Variants in RARB observed in about 807,000 individuals in gnomAD.
The protein encoded by RARB is retinoic acid receptor beta.
RARB carries 17 observed loss-of-function variants against 51.9 expected under a neutral mutation model. The observed-to-expected ratio is 0.33, with a 90% CI of 0.22 to 0.49. RARB has a LOEUF of 0.49. Among genes scored for constraint, RARB ranks in the 20% least tolerant of loss-of-function variants. The pLI is 0.99. For synonymous variants in RARB, 215 were observed against 195.4 expected (o/e 1.10, Z -0.84); for missense variants, 369 against 550.8 (o/e 0.67, Z 3.30).
At chr3:25,154,358 C>T (rs1700341127) in intron 4 of RARB, among the ~76,000 whole-genome samples, 1 of 152,220 alleles carries the variant, frequency 6.6e-6, no homozygotes, top group Non-Finnish European at 1.5e-5. Flanking sequence ...TGGAGTCAGC[C>T]TTCATTGTTG....
rs77939246 is a variant in RARB, at chr3:25,545,336, C to T, written c.449-24422C>T. On this transcript the variant is annotated intron_variant, in intron 3 of 7. Transcript: ENST00000330688. ...GGCTCTACTGAACCACAAGGAAGCT[C>T]TCTGCTTTGTCTCCTTGCCTCTCAA... 4.3e-3 allele frequency among the ~76,000 whole-genome samples: 649 copies of T among 152,244 alleles called. 4 individuals carry two copies. The highest frequency in any genetic ancestry group is 6.3e-3 in the Non-Finnish European group (430 of 67,994).
At chr3:25,382,055 A>G (rs1438817900) in intron 5 of RARB, among the ~76,000 whole-genome samples, 13 of 152,228 alleles carry the variant, frequency 8.5e-5, no homozygotes, top group Admixed American at 6.5e-5. Context: ...ATTCTAACTG[A>G]GGAACATTAG....
intron 1 of RARB, among the ~76,000 whole-genome samples, chr3:24,858,331 A>G (rs570259808): frequency 7.0e-4 from 107 of 152,180 alleles, no homozygotes; most frequent in Middle Eastern, 6.8e-3. Flanking sequence ...TGCTAGTGGG[A>G]TGGGCACTAT....
intron 4 of RARB, among the ~76,000 whole-genome samples, chr3:25,149,892 G>A (rs911485399): frequency 3.3e-5 from 5 of 150,878 alleles, no homozygotes; most frequent in African/African-American, 1.2e-4. Context: ...ATAAGCAGCA[G>A]AACATTTTTT....
chr3:25,106,128 C>T (rs556318138), intron 3 of RARB, among the ~76,000 whole-genome samples: 11 of 152,226 alleles, frequency 7.2e-5, no homozygotes, highest in Admixed American at 2.0e-4. Flanking sequence ...GTTTGTTTCC[C>T]ATAAAATGGG....
chr3:25,005,987 C>T (rs889478885), intron 2 of RARB, among the ~76,000 whole-genome samples: 1 of 152,070 alleles, frequency 6.6e-6, no homozygotes, highest in Non-Finnish European at 1.5e-5. Flanking sequence ...CTTATTGTTC[C>T]TACAAGAGGC....
At chr3:25,025,506 T>C (rs754062939) in intron 2 of RARB, among the ~76,000 whole-genome samples, 9 of 152,200 alleles carry the variant, frequency 5.9e-5, no homozygotes, top group East Asian at 1.9e-4. Flanking sequence ...TTTGATGATA[T>C]ATGGAACTAG....
intron 3 of RARB, among the ~76,000 whole-genome samples, chr3:25,120,558 T>TCTCTCTCTCTCTCTCTCTCA (rs1699767906): frequency 6.6e-6 from 1 of 151,848 alleles, no homozygotes; most frequent in African/African-American, 2.4e-5. Flanking sequence ...TCTCTCTCTC[T>TCTCTCTCTCTCTCTCTCTCA]CTCTCGATAT....
At chr3:24,957,337 A>T (rs1056998195) in intron 2 of RARB, among the ~76,000 whole-genome samples, 3 of 152,150 alleles carry the variant, frequency 2.0e-5, no homozygotes, top group African/African-American at 7.2e-5. Flanking sequence ...GTAAAACCAG[A>T]CCTTCAAGTT....
intron 3 of RARB, among the ~76,000 whole-genome samples, chr3:25,527,727 C>G (rs1202666546): frequency 6.6e-6 from 1 of 152,136 alleles, no homozygotes; most frequent in African/African-American, 2.4e-5. Flanking sequence ...ATGCTCTTGG[C>G]ATTCCTCTAA....
rs76775237 is a variant in RARB, at chr3:24,903,008, A to G, written c.-380+44256A>G. 3.6e-3 allele frequency among the ~76,000 whole-genome samples: 537 copies of G among 149,186 alleles called. 2 individuals carry two copies. The highest frequency in any genetic ancestry group is 0.012 in the African/African-American group (505 of 41,368). On this transcript the variant is annotated intron_variant, in intron 2 of 11. Coordinates refer to the RARB transcript ENST00000383772. Reference sequence around the variant, plus strand: ...GAGAAACAAGACGCCTCTAAGCTGAAGAGTAACAAGAATAACTGTTATTGG... The same window carrying G: ...GAGAAACAAGACGCCTCTAAGCTGAGGAGTAACAAGAATAACTGTTATTGG...
At position 25,273,479 on chromosome 3, in the gene RARB, T is replaced by C. The variant is rs151244883; in HGVS notation, c.178+98904T>C. The stretch of plus-strand genomic sequence containing the variant: ...TTTTCCCAAAGCAGGCTGGCTTTCT[T>C]AGAGGCTGCCTAATATGTCTCCAAA... On this transcript the variant is annotated intron_variant, in intron 5 of 11. Coordinates refer to the RARB transcript ENST00000383772. 2.0e-5 allele frequency among the ~76,000 whole-genome samples: 3 copies of C among 152,266 alleles called. No individual in the cohort carries two copies. In the East Asian group the frequency reaches 5.8e-4, roughly 29 times the overall value.
chr3:25,422,796 A>G (rs1559394332), intron 5 of RARB, among the ~76,000 whole-genome samples: 1 of 152,160 alleles, frequency 6.6e-6, no homozygotes, highest in Non-Finnish European at 1.5e-5. Flanking sequence ...AGGAAAAGTA[A>G]AGTGTTAACA....
intron 5 of RARB, among the ~76,000 whole-genome samples, chr3:25,208,916 C>T (rs908253885): frequency 1.3e-5 from 2 of 152,150 alleles, no homozygotes; most frequent in Non-Finnish European, 2.9e-5. Context: ...CGAAGGAACT[C>T]TTTACTTAAT....
At chr3:24,882,835 C>G (rs1236603584) in intron 2 of RARB, among the ~76,000 whole-genome samples, 2 of 152,206 alleles carry the variant, frequency 1.3e-5, no homozygotes, top group Non-Finnish European at 2.9e-5. Flanking sequence ...AAATCCCGTT[C>G]TCCTAACCCA....
chr3:25,572,841 C>A (rs375028708), intron 4 of RARB, among the ~76,000 whole-genome samples: 2 of 152,234 alleles, frequency 1.3e-5, no homozygotes, highest in East Asian at 3.9e-4. Flanking sequence ...CTTAGCATAG[C>A]CAAGTCAATC....
At chr3:25,550,982 T>C (rs1358780982) in intron 3 of RARB, among the ~76,000 whole-genome samples, 1 of 152,210 alleles carries the variant, frequency 6.6e-6, no homozygotes, top group South Asian at 2.1e-4. Context: ...CTTTAGGGGA[T>C]TAAGTTTTAA....
At position 25,569,690 on chromosome 3, in the gene RARB, A is replaced by C. The variant is rs556962373; in HGVS notation, c.449-68A>C. On this transcript the variant is annotated intron_variant, in intron 3 of 7. Coordinates refer to ENST00000330688, the MANE Select transcript of RARB (RefSeq NM_000965.5). ...GCTTAAGGCAGCCTTGGGAGGTGGA[A>C]CCTCCCAGCTCAGGAGCACAGGCCC... 6 of 1,526,288 alleles carry C rather than the reference A, an allele frequency of 3.9e-6. No homozygotes were observed. In the South Asian group the frequency reaches 7.7e-5, roughly 20 times the overall value. The allele number at this position is 1,526,288 out of a possible 1,614,324, so 94.5% of individuals were successfully genotyped here.
chr3:24,981,643 G>A (rs1696676599), intron 2 of RARB, among the ~76,000 whole-genome samples: 1 of 152,112 alleles, frequency 6.6e-6, no homozygotes, highest in African/African-American at 2.4e-5. Context: ...CATGGGAAAA[G>A]CATAGTATTT....
Sources: allele counts gnomAD v4.1 joint callset (sites outside exome capture counted in the v4.1 genomes callset), GRCh38; gene constraint gnomAD v4.1.1; transcripts MANE v1.5; gene names NCBI Gene and HGNC (gene_info 2026-07-23, HGNC 2026-07-21).